The following POC1A variants were observed in gnomAD, a reference collection of about 807,000 sequenced individuals.
POC1A encodes POC1 centriolar protein homolog A.
A neutral mutation model predicts 47.8 loss-of-function variants in POC1A; 34 were observed. The ratio of observed to expected loss-of-function variants is 0.71; its 90% CI spans 0.54 to 0.95. POC1A has a LOEUF of 0.95. Ranked by LOEUF, POC1A falls within the 40% of genes least tolerant of loss-of-function variation. POC1A has a pLI of 0.00. For missense variants in POC1A, 466 were observed against 528.3 expected, an observed-to-expected ratio of 0.88 and a Z score of 1.16; for synonymous variants, 177 against 207.6, an observed-to-expected ratio of 0.85 and a Z score of 1.27.
At position 52,145,939 on chromosome 3, in the gene POC1A, G is replaced by A. The variant is rs144052887; in HGVS notation, c.586C>T (p.His196Tyr). The change falls in exon 6 of 11, where the codon CAC becomes TAC. Residue 196 changes from histidine to tyrosine, a missense_variant. Transcript: ENST00000296484. ...GCGGCAATGCACGTCCCACTGGGGT[G>A]GAAGTCCACATAGGTGACAAAGCTG... ...HGGFVTYVDF[H>Y]PSGTCIAAAG... The A allele has an allele frequency of 1.8e-3, 2,845 of 1,612,952 alleles. 7 individuals are homozygous for A. The highest frequency in any genetic ancestry group is 2.3e-3 in the Non-Finnish European group (2,664 of 1,179,180).
chr3:52,151,064 G>T lies in POC1A; in HGVS notation c.55C>A (p.Arg19=). Residue 19 remains arginine (R), a synonymous_variant, in exon 2 of 11, where the codon CGA becomes AGA. Transcript: ENST00000296484. ...PSLERHFKGH[R]DAVTCVDFSI... is the part of the protein sequence containing the mutation. ...AAGTCCACACAGGTAACTGCATCTC[G>T]GTGGCCCTTAAAATGCCTTTCCAGC... 2 of 1,613,874 alleles carry T rather than the reference G, an allele frequency of 1.2e-6. No individual in the cohort carries two copies. The highest frequency in any genetic ancestry group is 1.3e-5 in the African/African-American group (1 of 74,994).
chr3:52,075,869 T>G lies in POC1A; in HGVS notation c.*18A>C, dbSNP rs1395830220. The G allele has an allele frequency of 6.3e-7, 1 of 1,592,806 alleles. No homozygotes were observed. Among genetic ancestry groups the G allele is most frequent in the Non-Finnish European group, 8.6e-7 (1 of 1,160,976 alleles). On this transcript the variant is annotated 3_prime_UTR_variant, in exon 11 of 11. Transcript: ENST00000296484. ...GCCACCTGCAAATCCACCGAGCTCC[T>G]GATTCCTGCTCCCCTGATCATGGTG...
intron 7 of POC1A, among the ~76,000 whole-genome samples, chr3:52,137,652 G>A (rs1704525834): frequency 6.6e-6 from 1 of 152,122 alleles, no homozygotes; most frequent in Non-Finnish European, 1.5e-5. Context: ...GGAACCGGCT[G>A]CTTTGAAGCT....
In POC1A at chr3:52,125,170, G is replaced by A. The variant is rs1267449841; in HGVS notation, c.825C>T (p.Thr275=). Residue 275 remains threonine (T), a synonymous_variant, in exon 8 of 11, where the codon ACC becomes ACT. Transcript: ENST00000296484. ...YTLHGHQGPA[T]TVAFSRTGEY... ...CCCCCGTTCTTGAAAAGGCAACAGT[G>A]GTGGCTGGTCCCTGGCAGAACAAAC... The A allele has an allele frequency of 6.2e-7, 1 of 1,613,768 alleles. No individual in the cohort carries two copies. The highest frequency in any genetic ancestry group is 1.7e-5 in the Admixed American group (1 of 60,012).
chr3:52,091,297 G>A (rs535686657), intron 10 of POC1A, among the ~76,000 whole-genome samples: 1 of 152,226 alleles, frequency 6.6e-6, no homozygotes, highest in Non-Finnish European at 1.5e-5. Context: ...CTCAGGCCTA[G>A]CAGCTCCTGA....
chr3:52,111,036 T>C (rs891914665), intron 9 of POC1A, among the ~76,000 whole-genome samples: 3 of 152,248 alleles, frequency 2.0e-5, no homozygotes, highest in Non-Finnish European at 4.4e-5. Flanking sequence ...TCTGAGTTCC[T>C]GAGTCAGGTT....
intron 8 of POC1A, 95 bp from the exon 9 acceptor site, chr3:52,122,572 C>T (rs11707276): frequency 2.5e-6 from 2 of 802,164 alleles, no homozygotes; most frequent in Non-Finnish European, 4.3e-6. Context: ...GCCCAAAGTT[C>T]TGAGCCATGG....
At chr3:52,110,261 CTGCTCCAGGTAGGAGAG>C (rs1703334547) in intron 9 of POC1A, among the ~76,000 whole-genome samples, 1 of 152,166 alleles carries the variant, frequency 6.6e-6, no homozygotes, top group Non-Finnish European at 1.5e-5. Flanking sequence ...GAGAGCGGGG[CTGCTCCAGGTAGGAGAG>C]TGCTCCAGGC....
rs1702225005 is a variant in POC1A, at chr3:52,079,725, A to G, written c.1126-3740T>C. On this transcript the variant is annotated intron_variant, in intron 10 of 10. Coordinates refer to ENST00000296484, the MANE Select transcript of POC1A (RefSeq NM_015426.5). This position sits in a 1 kb window ranked among gnomAD's most constrained non-coding sequence, Gnocchi z 4.6. Reference sequence around the variant, plus strand: ...GGGCAGGGTAAAGGGAAACTGACGAAGGGGTTGAGGAGTCCAGGGCTCTGG... The same window carrying G: ...GGGCAGGGTAAAGGGAAACTGACGAGGGGGTTGAGGAGTCCAGGGCTCTGG... Among the ~76,000 whole-genome samples, 2 of 152,174 alleles carry G rather than the reference A, an allele frequency of 1.3e-5. No homozygotes were observed. Among genetic ancestry groups the G allele is most frequent in the Non-Finnish European group, 2.9e-5 (2 of 68,032 alleles).
At chr3:52,078,617 T>A (rs1261827741) in intron 10 of POC1A, among the ~76,000 whole-genome samples, 1 of 151,116 alleles carries the variant, frequency 6.6e-6, no homozygotes, top group Non-Finnish European at 1.5e-5. Context: ...TTCATGCCAT[T>A]CTCCTGCCTC....
chr3:52,095,757 C>T (rs958885430), intron 10 of POC1A, among the ~76,000 whole-genome samples: 3 of 152,236 alleles, frequency 2.0e-5, no homozygotes, highest in African/African-American at 4.8e-5. Flanking sequence ...ATTCCCTGGA[C>T]GTGCCCATGG....
At chr3:52,151,537 G>C (rs1698555879) in intron 1 of POC1A, among the ~76,000 whole-genome samples, 1 of 151,762 alleles carries the variant, frequency 6.6e-6, no homozygotes, top group Non-Finnish European at 1.5e-5. Flanking sequence ...TGTGAACCCA[G>C]GAGGCGGAGC....
intron 10 of POC1A, among the ~76,000 whole-genome samples, chr3:52,092,778 G>A (rs949372069): frequency 1.3e-5 from 2 of 152,118 alleles, no homozygotes; most frequent in African/African-American, 4.8e-5. Context: ...TATAAAAAAG[G>A]CTTTCATAAA....
Position 52,112,213 on chromosome 3 carries a change from G to A in POC1A, c.981+10166C>T, listed in dbSNP as rs138155564. ...CTGTCACCCAGGCTGAAGTGCGGTG[G>A]TGCAATCATAGTTCACTGCAGCCTT... On this transcript the variant is annotated intron_variant, in intron 9 of 10. Transcript: ENST00000296484. Among the ~76,000 whole-genome samples the A allele has an allele frequency of 3.2e-3, 494 of 152,276 alleles. 1 individual carries two copies. Among genetic ancestry groups the A allele is most frequent in the Middle Eastern group, 0.01 (3 of 294 alleles).
At chr3:52,114,299 G>A (rs192941409) in intron 9 of POC1A, among the ~76,000 whole-genome samples, 9 of 152,324 alleles carry the variant, frequency 5.9e-5, no homozygotes, top group Non-Finnish European at 8.8e-5. Context: ...CCCATGCTGT[G>A]CCCAGCCCCA....
Position 52,084,941 on chromosome 3 carries a change from CAG to C in POC1A, c.1126-8958_1126-8957del, listed in dbSNP as rs560477305. Reference sequence around the variant, plus strand: ...AAGCACTCTGCCTGGGCTGGGGACACAGTGGCAAGGGGAGCTGCAACTGTCCT... The same window carrying C: ...AAGCACTCTGCCTGGGCTGGGGACACTGGCAAGGGGAGCTGCAACTGTCCT... On this transcript the variant is annotated intron_variant, in intron 10 of 10. Transcript: ENST00000296484. The surrounding 1 kb of genome is among the most constrained non-coding windows in gnomAD (Gnocchi z 4.3). 4.6e-5 allele frequency among the ~76,000 whole-genome samples: 7 copies of C among 152,248 alleles called. No homozygotes were observed. Among genetic ancestry groups the C allele is most frequent in the Non-Finnish European group, 7.3e-5 (5 of 68,044 alleles).
chr3:52,114,519 G>T (rs1423401276), intron 9 of POC1A, among the ~76,000 whole-genome samples: 6 of 152,224 alleles, frequency 3.9e-5, no homozygotes, highest in Non-Finnish European at 8.8e-5. Context: ...TGTCCCAGGG[G>T]TGAGGATGCT....
chr3:52,125,739 T>C (rs1703972734), intron 7 of POC1A, among the ~76,000 whole-genome samples: 1 of 152,064 alleles, frequency 6.6e-6, no homozygotes. Context: ...AGCAGAGCAA[T>C]GTGACACGTC....
chr3:52,134,420 T>A (rs1180001679), intron 7 of POC1A, among the ~76,000 whole-genome samples: 1 of 151,966 alleles, frequency 6.6e-6, no homozygotes, highest in Admixed American at 6.6e-5. Context: ...TCACCTGAGG[T>A]CAGGAGTTTG....
Sources: gnomAD v4.1 joint callset for allele counts (sites outside exome capture counted in the v4.1 genomes callset) on GRCh38, gnomAD v4.1.1 for gene constraint, Gnocchi (gnomAD v3.1) non-coding constraint, MANE v1.5 for transcripts, NCBI Gene and HGNC (gene_info 2026-07-23, HGNC 2026-07-21) for gene names.